Variants in NLGN1 observed in about 807,000 individuals in gnomAD.
NLGN1 encodes neuroligin 1.
NLGN1 carries 12 observed loss-of-function variants against 65.5 expected under a neutral mutation model. That is an observed-to-expected ratio of 0.18 (90% CI 0.12 to 0.30). The LOEUF is 0.30. Among genes scored for constraint, NLGN1 ranks in the 10% least tolerant of loss-of-function variants. The pLI is 1.00. For missense variants in NLGN1, 750 were observed against 1,007.1 expected (o/e 0.74, Z 3.46); for synonymous variants, 350 against 359.5 (o/e 0.97, Z 0.30).
At chr3:173,832,482 A>G (rs1434789458) in intron 4 of NLGN1, among the ~76,000 whole-genome samples, 2 of 152,258 alleles carry the variant, frequency 1.3e-5, no homozygotes, top group Non-Finnish European at 1.5e-5. Context: ...CCTTGCAAAG[A>G]GAAATCTCTT....
chr3:173,444,964 TA>T lies in NLGN1; in HGVS notation c.-321+9896del, dbSNP rs34421468. ...GAATGCAATATGCAAGGACTTGTAT[TA>T]AAAAAAAAACAAGGACTTGGCCGGG... On this transcript the variant is annotated intron_variant, in intron 2 of 6. Coordinates refer to ENST00000457714, the Ensembl canonical transcript of NLGN1. Among the ~76,000 whole-genome samples, 15 of 149,274 alleles carry T rather than the reference TA, an allele frequency of 1.0e-4. 1 individual carries two copies. Among genetic ancestry groups the T allele is most frequent in the South Asian group, 4.2e-4 (2 of 4,764 alleles).
intron 4 of NLGN1, among the ~76,000 whole-genome samples, chr3:173,872,036 G>T (rs376766211): frequency 1.3e-5 from 2 of 152,076 alleles, no homozygotes; most frequent in Admixed American, 6.6e-5. Flanking sequence ...CCACCGTGAG[G>T]GGGGGAGTCA....
At chr3:174,219,251 G>T (rs1314569307) in intron 4 of NLGN1, among the ~76,000 whole-genome samples, 1 of 152,002 alleles carries the variant, frequency 6.6e-6, no homozygotes, top group African/African-American at 2.4e-5. Context: ...AGTAAAGTGG[G>T]GATGGCAAGG....
intron 4 of NLGN1, among the ~76,000 whole-genome samples, chr3:173,809,714 C>A (rs562363233): frequency 1.2e-4 from 18 of 152,226 alleles, no homozygotes; most frequent in African/African-American, 3.8e-4. Flanking sequence ...GTGTTCAGAA[C>A]TGATGAGGAC....
chr3:173,742,509 C>T (rs1462777474), intron 3 of NLGN1, among the ~76,000 whole-genome samples: 3 of 152,034 alleles, frequency 2.0e-5, no homozygotes, highest in Non-Finnish European at 4.4e-5. Flanking sequence ...CTTGTATATT[C>T]CCATGTCATA....
chr3:173,665,322 A>G (rs2149708366), intron 3 of NLGN1, among the ~76,000 whole-genome samples: 1 of 152,196 alleles, frequency 6.6e-6, no homozygotes, highest in African/African-American at 2.4e-5. Context: ...CCATGTGAAG[A>G]AGGACGTAGT....
chr3:173,929,357 TC>T (rs1186121627), intron 4 of NLGN1, among the ~76,000 whole-genome samples: 2 of 152,192 alleles, frequency 1.3e-5, no homozygotes, highest in Non-Finnish European at 2.9e-5. Context: ...CATTCTTGCA[TC>T]TTTTTTCTTT....
intron 4 of NLGN1, among the ~76,000 whole-genome samples, chr3:174,088,004 T>G (rs1743743624): frequency 6.6e-6 from 1 of 152,334 alleles, no homozygotes; most frequent in South Asian, 2.1e-4. Flanking sequence ...TGTTAATAGG[T>G]TTTGCTGCAT....
intron 4 of NLGN1, among the ~76,000 whole-genome samples, chr3:173,819,695 C>A (rs770149231): frequency 2.0e-5 from 3 of 152,290 alleles, no homozygotes; most frequent in Admixed American, 6.5e-5. Context: ...ACCAATCCTA[C>A]TTGTTATGGT....
At chr3:174,116,257 A>G (rs1272649270) in intron 4 of NLGN1, among the ~76,000 whole-genome samples, 3 of 150,968 alleles carry the variant, frequency 2.0e-5, no homozygotes, top group Non-Finnish European at 4.4e-5. Context: ...CATCACTATC[A>G]TCTTACATTT....
intron 4 of NLGN1, among the ~76,000 whole-genome samples, chr3:174,117,909 G>C (rs6768762): frequency 0.11 from 17,269 of 152,130 alleles, 1,496 homozygotes; most frequent in African/African-American, 0.23. Context: ...CACTCAAGTC[G>C]AATACTCTAT....
At chr3:174,092,942 C>T (rs1409962908) in intron 4 of NLGN1, among the ~76,000 whole-genome samples, 1 of 152,180 alleles carries the variant, frequency 6.6e-6, no homozygotes, top group African/African-American at 2.4e-5. Context: ...TCAAAATGAA[C>T]TGGATCTGCA....
chr3:174,006,067 A>G (rs1298689656), intron 4 of NLGN1, among the ~76,000 whole-genome samples: 2 of 152,080 alleles, frequency 1.3e-5, no homozygotes, highest in African/African-American at 4.8e-5. Flanking sequence ...ATAAGGTTAT[A>G]CATTCATCCC....
At chr3:173,421,876 C>A (rs959879574) in intron 1 of NLGN1, among the ~76,000 whole-genome samples, 2 of 152,040 alleles carry the variant, frequency 1.3e-5, no homozygotes, top group African/African-American at 2.4e-5. Context: ...CTTCTTCAGT[C>A]TGATATAGTG....
At chr3:174,051,746 A>C (rs1217100596) in intron 4 of NLGN1, among the ~76,000 whole-genome samples, 1 of 152,062 alleles carries the variant, frequency 6.6e-6, no homozygotes. Flanking sequence ...TTGTGTGAGG[A>C]GTCCAAAAAG....
At chr3:173,730,428 G>A (rs1032238167) in intron 3 of NLGN1, among the ~76,000 whole-genome samples, 1 of 149,774 alleles carries the variant, frequency 6.7e-6, no homozygotes, top group Non-Finnish European at 1.5e-5. Flanking sequence ...GGTAAAATAG[G>A]TAAATGGCCA....
In NLGN1 at chr3:173,868,810, A is replaced by G. The variant is rs185714975; in HGVS notation, c.646+60978A>G. Among the ~76,000 whole-genome samples, 221 of 152,286 alleles carry G rather than the reference A, an allele frequency of 1.5e-3. 1 individual carries two copies. The highest frequency in any genetic ancestry group is 5.1e-3 in the African/African-American group (212 of 41,560). ...TTTTAACAAGCATCTCAGGTGGTCT[A>G]AGGCTAATGTTTCATGTCTCTAGTT... is the stretch of plus-strand genomic sequence containing the variant. On this transcript the variant is annotated intron_variant, in intron 4 of 6. Transcript: ENST00000457714.
chr3:173,881,338 C>G (rs1477169626), intron 4 of NLGN1, among the ~76,000 whole-genome samples: 1 of 151,488 alleles, frequency 6.6e-6, no homozygotes, highest in African/African-American at 2.4e-5. Flanking sequence ...ACCTTGTGAT[C>G]CACCTGCCTC....
At chr3:173,819,937 C>A (rs930081875) in intron 4 of NLGN1, among the ~76,000 whole-genome samples, 1 of 152,038 alleles carries the variant, frequency 6.6e-6, no homozygotes, top group African/African-American at 2.4e-5. Flanking sequence ...ATTGTATTAA[C>A]CATGTGCTTG....
Sources: gnomAD v4.1 joint callset for allele counts (sites outside exome capture counted in the v4.1 genomes callset) on GRCh38, gnomAD v4.1.1 for gene constraint, MANE v1.5 for transcripts, NCBI Gene and HGNC (gene_info 2026-07-23, HGNC 2026-07-21) for gene names.